Variants in UNKL observed in about 807,000 individuals in gnomAD.
The protein encoded by UNKL is putative E3 ubiquitin-protein ligase UNKL.
In UNKL, 60 loss-of-function variants were observed where a neutral mutation model predicts 78.0. The ratio of observed to expected loss-of-function variants is 0.77; its 90% CI spans 0.63 to 0.95. The LOEUF (loss-of-function observed/expected upper bound fraction) is 0.95. UNKL is among the 40% of genes least tolerant of loss of function. The probability of loss-of-function intolerance (pLI) is 0.00; values close to 1 mark genes in which losing one functional copy is unlikely to be tolerated. For missense variants in UNKL, 1,159 were observed against 1,045.7 expected (o/e 1.11, Z -1.49); for synonymous variants, 608 against 474.8 (o/e 1.28, Z -3.65).
chr16:1,414,695 C>G lies in UNKL; in HGVS notation c.-4G>C. 1 of 1,136,382 alleles carries G rather than the reference C, an allele frequency of 8.8e-7. No homozygotes were observed. The highest frequency in any genetic ancestry group is 1.1e-6 in the Non-Finnish European group (1 of 915,846). 70.4% of individuals were successfully genotyped at this position (1,136,382 alleles called of 1,614,324 possible). On this transcript the variant is annotated 5_prime_UTR_variant, in exon 1 of 15. Coordinates refer to ENST00000389221, the MANE Select transcript of UNKL (RefSeq NM_001372107.1). Reference sequence around the variant, plus strand: ...CCGCTTTCGAAACCGACGGCATTTTCAGTCAAAACAATGCAGCGCGCATGC... The same window carrying G: ...CCGCTTTCGAAACCGACGGCATTTTGAGTCAAAACAATGCAGCGCGCATGC...
chr16:1,402,556 G>A (rs1008653784), intron 3 of UNKL, among the ~76,000 whole-genome samples: 3 of 152,144 alleles, frequency 2.0e-5, no homozygotes, highest in Non-Finnish European at 2.9e-5. Flanking sequence ...CCAGCTACTC[G>A]GGAGGCTGAG....
chr16:1,381,079 G>A (rs2036588684), intron 10 of UNKL, among the ~76,000 whole-genome samples: 1 of 152,184 alleles, frequency 6.6e-6, no homozygotes, highest in Admixed American at 6.5e-5. Context: ...TTGGAAAAAT[G>A]ACTACAAATG....
chr16:1,376,678 G>A (rs981540029), intron 10 of UNKL, among the ~76,000 whole-genome samples: 3 of 140,808 alleles, frequency 2.1e-5, no homozygotes, highest in Non-Finnish European at 3.1e-5. Flanking sequence ...AGCACCCTGC[G>A]ATCTGTAGCA....
At position 1,367,833 on chromosome 16, in the gene UNKL, G is replaced by A. The variant is rs200790106; in HGVS notation, c.1611C>T (p.Ile537=). ...PLGLNGVPGS[I]WDFVSGSFSP... ...AGAAGCTGCCGGAAACAAAGTCCCA[G>A]ATGCTCCCGGGGACACCGTTCAAAC... is the stretch of plus-strand genomic sequence containing the variant. The change falls in exon 13 of 15, where the codon ATC becomes ATT. Residue 537 remains isoleucine (I), a synonymous_variant. Transcript: ENST00000389221. The A allele has an allele frequency of 6.4e-7, 1 of 1,573,602 alleles. No individual in the cohort carries two copies. The highest frequency in any genetic ancestry group is 1.8e-5 in the Admixed American group (1 of 54,228).
rs118172742 is a variant in UNKL at position 1,406,045 on chromosome 16, C to A, written c.288-2701G>T. On this transcript the variant is annotated intron_variant, in intron 2 of 14. Transcript: ENST00000389221. ...GACGAGGCCCGTGGATCTGCACTGC[C>A]GGCTGGTTCCCAGGGAACGTGCGAG... 4.6e-3 allele frequency: 2,089 copies of A among 456,688 alleles called. 13 individuals are homozygous for A. Among genetic ancestry groups the A allele is most frequent in the Non-Finnish European group, 5.1e-3 (1,158 of 226,976 alleles). 28.3% of individuals were successfully genotyped at this position (456,688 alleles called of 1,614,324 possible). A position where few individuals can be genotyped will look rare whatever the true frequency, so the allele number is the denominator to read the frequency against.
intron 10 of UNKL, among the ~76,000 whole-genome samples, chr16:1,377,054 GCT>G (rs1322157559): frequency 6.6e-6 from 1 of 151,934 alleles, no homozygotes; most frequent in Non-Finnish European, 1.5e-5. Context: ...ATAGAGTCTT[GCT>G]CTGTCACCCA....
chr16:1,381,828 A>G (rs1950666112), intron 10 of UNKL, among the ~76,000 whole-genome samples: 1 of 152,216 alleles, frequency 6.6e-6, no homozygotes, highest in Non-Finnish European at 1.5e-5. Flanking sequence ...CTGTGGTCTC[A>G]GCTCTACTTG....
At chr16:1,398,678 T>TGCC in intron 5 of UNKL, 1 of 1,428,432 alleles carries the variant, frequency 7.0e-7, no homozygotes, top group Non-Finnish European at 9.2e-7. Context: ...CTGTGGGGTC[T>TGCC]GCACCCCCCC....
chr16:1,385,511 G>A, intron 9 of UNKL, 126 bp from the exon 10 acceptor site: 2 of 1,005,010 alleles, frequency 2.0e-6, no homozygotes, highest in Non-Finnish European at 2.6e-6. Flanking sequence ...GGCCCAGGGA[G>A]AGCTTCCCAG....
At chr16:1,375,405 A>G (rs1435695182) in intron 10 of UNKL, among the ~76,000 whole-genome samples, 1 of 151,998 alleles carries the variant, frequency 6.6e-6, no homozygotes, top group East Asian at 1.9e-4. Flanking sequence ...CACGACCCAG[A>G]CTCAACCCTC....
At chr16:1,394,881 TTTTG>T (rs1483666319) in intron 6 of UNKL, among the ~76,000 whole-genome samples, 15 of 152,148 alleles carry the variant, frequency 9.9e-5, no homozygotes, top group African/African-American at 2.7e-4. Context: ...TGCTTGTTCA[TTTTG>T]TTTGTTTTTT....
In UNKL at chr16:1,367,168, T is replaced by A. The variant is rs746054858; in HGVS notation, c.1970A>T (p.Asp657Val). Residue 657 changes from aspartate to valine, a missense_variant, in exon 14 of 15, where the codon GAC becomes GTC. Coordinates refer to ENST00000389221, the MANE Select transcript of UNKL (RefSeq NM_001372107.1). ...CTTCGGCAGGGGAATGGTGCCGATGTCCCCACAGCCCCGCAGCCCCGGCAG... is the reference window on the plus strand; with the variant it reads ...CTTCGGCAGGGGAATGGTGCCGATGACCCCACAGCCCCGCAGCCCCGGCAG... ...STLPGLRGCG[D>V]IGTIPLPKLH... 6.2e-7 allele frequency: 1 copy of A among 1,605,582 alleles called. No individual in the cohort carries two copies. Among genetic ancestry groups the A allele is most frequent in the Non-Finnish European group, 8.5e-7 (1 of 1,177,954 alleles).
At chr16:1,398,906 G>C (rs993782059) in intron 5 of UNKL, 1 of 1,569,430 alleles carries the variant, frequency 6.4e-7, no homozygotes, top group African/African-American at 1.3e-5. Flanking sequence ...GTTGGCCCTG[G>C]GACTCAGCCT....
In UNKL at chr16:1,371,627, C is replaced by G. The variant is rs1297363981; in HGVS notation, c.1265-16G>C. The G allele has an allele frequency of 2.0e-6, 3 of 1,535,532 alleles. No homozygotes were observed. Among genetic ancestry groups the G allele is most frequent in the African/African-American group, 1.4e-5 (1 of 73,046 alleles). On this transcript the variant is annotated splice_polypyrimidine_tract_variant and intron_variant, in intron 10 of 14. Transcript: ENST00000389221. ...AACGCAGAACCTGTCAACAGAGCCC[C>G]CCATCATCCACAGCCCACCCAGCGC... is the stretch of plus-strand genomic sequence containing the variant.
chr16:1,388,651 G>A (rs1289909947), intron 9 of UNKL, among the ~76,000 whole-genome samples: 3 of 152,160 alleles, frequency 2.0e-5, no homozygotes, highest in African/African-American at 7.2e-5. Flanking sequence ...GGCCTGGTGT[G>A]GGAGTCCATC....
Position 1,371,578 on chromosome 16 carries a change from T to C in UNKL, c.1298A>G (p.Asn433Ser), listed in dbSNP as rs2035843982. ...CAGGTCCTTCTCTAGGGATGCAATA[T>C]TCACATTGCTAAGATGCAGGTCTAA... is the stretch of plus-strand genomic sequence containing the variant. ...SALDLHLSNVNIASLEKDLEE... is the reference protein window; with the variant it reads ...SALDLHLSNVSIASLEKDLEE... The change falls in exon 11 of 15, where the codon AAT becomes AGT. Residue 433 changes from asparagine to serine, a missense_variant. By Grantham distance (46) the Asn-to-Ser change is conservative (BLOSUM62 1). Coordinates refer to ENST00000389221, the MANE Select transcript of UNKL (RefSeq NM_001372107.1). The C allele has an allele frequency of 6.5e-7, 1 of 1,536,176 alleles. No homozygotes were observed. Among genetic ancestry groups the C allele is most frequent in the Non-Finnish European group, 8.7e-7 (1 of 1,146,906 alleles).
intron 8 of UNKL, among the ~76,000 whole-genome samples, chr16:1,391,176 C>T (rs1316715060): frequency 2.0e-5 from 3 of 151,028 alleles, no homozygotes; most frequent in African/African-American, 7.3e-5. Context: ...CACACACACA[C>T]ACACACACAC....
rs573222876 is a variant in UNKL at position 1,406,504 on chromosome 16, C to T, written c.288-3160G>A. Reference sequence around the variant, plus strand: ...CTGGGATTACAGGCGTGAGCCACCGCGCCCGGCCTAATTTTTTTGTAGAGA... The same window carrying T: ...CTGGGATTACAGGCGTGAGCCACCGTGCCCGGCCTAATTTTTTTGTAGAGA... On this transcript the variant is annotated intron_variant, in intron 2 of 14. Transcript: ENST00000389221. Among the ~76,000 whole-genome samples, 206 of 152,222 alleles carry T rather than the reference C, an allele frequency of 1.4e-3. 1 individual carries two copies. The highest frequency in any genetic ancestry group is 4.7e-3 in the African/African-American group (197 of 41,536).
intron 6 of UNKL, chr16:1,394,519 T>C: frequency 5.3e-6 from 3 of 571,104 alleles, no homozygotes; most frequent in Non-Finnish European, 1.0e-5. Context: ...AAATTCAGAG[T>C]CTGGTATGCA....
Sources: gnomAD v4.1 joint callset for allele counts (sites outside exome capture counted in the v4.1 genomes callset) on GRCh38, gnomAD v4.1.1 for gene constraint, MANE v1.5 for transcripts, NCBI Gene and HGNC (gene_info 2026-07-23, HGNC 2026-07-21) for gene names.